Variants in MICU2 observed in about 807,000 individuals in gnomAD.
MICU2 encodes the protein calcium uptake protein 2, mitochondrial.
In MICU2, 64 loss-of-function variants were observed where a neutral mutation model predicts 60.4. That is an observed-to-expected ratio of 1.06 (90% CI 0.87 to 1.31). The LOEUF is 1.31. Among genes scored for constraint, MICU2 ranks in the 50% most tolerant of loss-of-function variants. The pLI is 0.00. For synonymous variants in MICU2, 201 were observed against 175.0 expected (o/e 1.15, Z -1.17); for missense variants, 569 against 531.0 (o/e 1.07, Z -0.70).
chr13:21,556,892 T>G (rs1210131202), intron 2 of MICU2, among the ~76,000 whole-genome samples: 1 of 152,158 alleles, frequency 6.6e-6, no homozygotes, highest in Non-Finnish European at 1.5e-5. Flanking sequence ...TGGAAAACTC[T>G]AGGTGAAGGT....
chr13:21,574,535 C>T (rs1327584657), intron 1 of MICU2, among the ~76,000 whole-genome samples: 18 of 152,176 alleles, frequency 1.2e-4, no homozygotes. Flanking sequence ...AGGTGCTTCA[C>T]CACTCTGTCT....
chr13:21,603,638 C>T (rs1293023860), intron 1 of MICU2: 1 of 480,568 alleles, frequency 2.1e-6, no homozygotes, highest in Non-Finnish European at 3.7e-6. Context: ...TTAAGACACG[C>T]CCACACTCAT....
intron 9 of MICU2, among the ~76,000 whole-genome samples, chr13:21,500,610 G>T (rs540470890): frequency 1.3e-5 from 2 of 151,698 alleles, no homozygotes; most frequent in South Asian, 2.1e-4. Flanking sequence ...GTAGAGATGG[G>T]GTTTCACCAT....
chr13:21,549,805 G>A (rs1887508191), intron 2 of MICU2, among the ~76,000 whole-genome samples: 1 of 152,146 alleles, frequency 6.6e-6, no homozygotes, highest in South Asian at 2.1e-4. Context: ...ATGCTGAACA[G>A]ACTTACTTTA....
At chr13:21,579,746 T>C (rs4480647) in intron 1 of MICU2, among the ~76,000 whole-genome samples, 25,932 of 152,140 alleles carry the variant, frequency 0.17, 3,636 homozygotes, top group East Asian at 0.66. Context: ...TTATTCTTTC[T>C]GAAATATTTT....
At chr13:21,570,267 T>A (rs1162516392) in intron 1 of MICU2, among the ~76,000 whole-genome samples, 3 of 152,106 alleles carry the variant, frequency 2.0e-5, no homozygotes, top group African/African-American at 4.8e-5. Context: ...ACCAACATAG[T>A]TTTTTTAGGT....
intron 2 of MICU2, among the ~76,000 whole-genome samples, chr13:21,543,448 T>C (rs1364602727): frequency 6.6e-6 from 1 of 152,118 alleles, no homozygotes; most frequent in East Asian, 1.9e-4. Flanking sequence ...CAAAAAACTC[T>C]TAGAATAAAT....
chr13:21,495,202 A>G lies in MICU2; in HGVS notation c.1159T>C (p.Phe387Leu). ...DGDECLSHEEFLGVLKNRMHR... is the reference protein window; with the variant it reads ...DGDECLSHEELLGVLKNRMHR... ...ATTCTGTTTTTTAACACCCCAAGAAACTCTTCATGACTAAGACATTCATCA... is the reference window on the plus strand; with the variant it reads ...ATTCTGTTTTTTAACACCCCAAGAAGCTCTTCATGACTAAGACATTCATCA... Residue 387 changes from phenylalanine (F) to leucine (L), a missense_variant, in exon 11 of 12, where the codon TTT (phenylalanine) becomes CTT (leucine). Coordinates refer to ENST00000382374, the MANE Select transcript of MICU2 (RefSeq NM_152726.3). 6.2e-7 allele frequency: 1 copy of G among 1,611,438 alleles called. No individual in the cohort carries two copies. Among genetic ancestry groups the G allele is most frequent in the Non-Finnish European group, 8.5e-7 (1 of 1,179,000 alleles).
chr13:21,505,264 A>C (rs1047379466), intron 8 of MICU2, among the ~76,000 whole-genome samples: 1 of 152,208 alleles, frequency 6.6e-6, no homozygotes, highest in Non-Finnish European at 1.5e-5. Context: ...GAAATGCAGA[A>C]GAAGAAAAAT....
chr13:21,603,616 A>T, intron 1 of MICU2: 1 of 387,340 alleles, frequency 2.6e-6, no homozygotes, highest in South Asian at 4.1e-5. Flanking sequence ...ATTCTGAATT[A>T]GGAGCCTCGA....
intron 6 of MICU2, among the ~76,000 whole-genome samples, 180 bp from the exon 7 acceptor site, chr13:21,514,598 A>G (rs776322654): frequency 4.6e-5 from 7 of 152,128 alleles, no homozygotes; most frequent in Non-Finnish European, 8.8e-5. Flanking sequence ...CAGTGGCGCA[A>G]TCTCGGCTTA....
chr13:21,512,409 C>T (rs1886452968), intron 7 of MICU2, among the ~76,000 whole-genome samples: 1 of 151,348 alleles, frequency 6.6e-6, no homozygotes. Context: ...TCTTTTCACA[C>T]TCTTGACAGT....
rs1256874768 is a variant in MICU2, at chr13:21,517,795, A to ACG, written c.598-3378_598-3377insCG. The stretch of plus-strand genomic sequence containing the variant: ...GACACACACACACACACACACACAC[A>ACG]CACACGCGCGCGCGCGCGCACACGC... On this transcript the variant is annotated intron_variant, in intron 6 of 11. Coordinates refer to ENST00000382374, the MANE Select transcript of MICU2 (RefSeq NM_152726.3). Among the ~76,000 whole-genome samples, 271 of 118,452 alleles carry ACG rather than the reference A, an allele frequency of 2.3e-3. 1 individual carries two copies. Among genetic ancestry groups the ACG allele is most frequent in the Non-Finnish European group, 3.7e-3 (186 of 50,800 alleles). The allele number at this position is 118,452 out of a possible 152,430, so 77.7% of individuals were successfully genotyped here.
intron 11 of MICU2, among the ~76,000 whole-genome samples, chr13:21,493,866 A>G (rs1292022263): frequency 6.6e-6 from 1 of 152,166 alleles, no homozygotes; most frequent in Non-Finnish European, 1.5e-5. Context: ...TTAGCTAAAA[A>G]TACATGTGGA....
At chr13:21,522,750 C>T (rs1003842107) in intron 4 of MICU2, 100 bp from the exon 5 acceptor site, 5 of 818,488 alleles carry the variant, frequency 6.1e-6, no homozygotes, top group Middle Eastern at 3.1e-4. Context: ...AACAATTTTA[C>T]TTTAAATTAC....
intron 7 of MICU2, among the ~76,000 whole-genome samples, chr13:21,512,309 G>T (rs546100714): frequency 6.6e-6 from 1 of 152,078 alleles, no homozygotes; most frequent in Non-Finnish European, 1.5e-5. Flanking sequence ...ATCACTTTGT[G>T]GTTAAATTGT....
chr13:21,507,952 A>G (rs7338431), intron 8 of MICU2, among the ~76,000 whole-genome samples: 2,367 of 151,106 alleles, frequency 0.016, 57 homozygotes, highest in African/African-American at 0.055. Flanking sequence ...TTTTTTTGAC[A>G]GAGTCTCACT....
At chr13:21,500,993 A>G (rs1453562109) in intron 9 of MICU2, among the ~76,000 whole-genome samples, 1 of 151,998 alleles carries the variant, frequency 6.6e-6, no homozygotes, top group East Asian at 1.9e-4. Flanking sequence ...TCAACATTTA[A>G]TTTTTTGATT....
chr13:21,519,909 G>A (rs548574370), intron 6 of MICU2, among the ~76,000 whole-genome samples: 23 of 152,242 alleles, frequency 1.5e-4, no homozygotes, highest in South Asian at 4.1e-4. Flanking sequence ...ATCATGCACC[G>A]GATGAGTTTT....
Sources: allele counts gnomAD v4.1 joint callset (sites outside exome capture counted in the v4.1 genomes callset), GRCh38; gene constraint gnomAD v4.1.1; transcripts MANE v1.5; gene names NCBI Gene and HGNC (gene_info 2026-07-23, HGNC 2026-07-21).